Variants in DLG1 observed in about 807,000 individuals in gnomAD.
DLG1 encodes the protein disks large homolog 1.
In DLG1, 42 loss-of-function variants were observed where a neutral mutation model predicts 123.4. The ratio of observed to expected loss-of-function variants is 0.34; its 90% CI spans 0.27 to 0.44. DLG1 has a LOEUF of 0.44. Among genes scored for constraint, DLG1 ranks in the 20% least tolerant of loss-of-function variants. The pLI, the probability that DLG1 is intolerant of heterozygous loss-of-function variation, is 1.00. For synonymous variants in DLG1, 317 were observed against 356.2 expected (o/e 0.89, Z 1.24); for missense variants, 942 against 1,082.6 (o/e 0.87, Z 1.82).
intron 3 of DLG1, among the ~76,000 whole-genome samples, chr3:197,292,128 A>G (rs1041492940): frequency 1.3e-5 from 2 of 152,208 alleles, no homozygotes; most frequent in Admixed American, 1.3e-4. Flanking sequence ...TAAATATCCA[A>G]AAGAACTGAA....
intron 22 of DLG1, among the ~76,000 whole-genome samples, chr3:197,064,878 C>T (rs1738512801): frequency 6.6e-6 from 1 of 151,762 alleles, no homozygotes; most frequent in Admixed American, 6.6e-5. Context: ...ATGCTCATAG[C>T]TCACTGCAGC....
intron 4 of DLG1, among the ~76,000 whole-genome samples, chr3:197,270,218 G>T (rs1763354172): frequency 6.6e-6 from 1 of 152,184 alleles, no homozygotes; most frequent in Non-Finnish European, 1.5e-5. Context: ...TCAAAGACTA[G>T]TAAAGCATAT....
chr3:197,044,724 C>G lies in DLG1; in HGVS notation c.2581G>C (p.Val861Leu). The change falls in exon 25 of 25, where the codon GTA (valine) becomes CTA (leucine). Residue 861 changes from valine (V) to leucine (L), a missense_variant. Transcript: ENST00000667157. ...ATGTCTTCCAGCGTATCCCCCTGTA[C>G]AATAGCTGTAATGATAGAAACAAAA... ...QEFTEHFTAI[V>L]QGDTLEDIYN... The G allele has an allele frequency of 6.4e-7, 1 of 1,557,350 alleles. No individual in the cohort carries two copies. Among genetic ancestry groups the G allele is most frequent in the Non-Finnish European group, 8.7e-7 (1 of 1,146,346 alleles).
At chr3:197,182,609 G>T (rs1712963126) in intron 5 of DLG1, among the ~76,000 whole-genome samples, 1 of 152,054 alleles carries the variant, frequency 6.6e-6, no homozygotes, top group African/African-American at 2.4e-5. Context: ...AGCTTTAAGG[G>T]AATTTATTTT....
intron 3 of DLG1, among the ~76,000 whole-genome samples, chr3:197,283,995 G>C (rs1258324819): frequency 6.6e-6 from 1 of 151,624 alleles, no homozygotes; most frequent in African/African-American, 2.4e-5. Flanking sequence ...CGAGTAGCTG[G>C]GACTTCAGGC....
At chr3:197,280,847 C>T (rs1179507634) in intron 4 of DLG1, among the ~76,000 whole-genome samples, 1 of 152,164 alleles carries the variant, frequency 6.6e-6, no homozygotes, top group Non-Finnish European at 1.5e-5. Context: ...TGTGTTGCTA[C>T]AGCTGCATAC....
intron 5 of DLG1, among the ~76,000 whole-genome samples, chr3:197,150,820 T>G (rs149115685): frequency 6.6e-6 from 1 of 152,072 alleles, no homozygotes; most frequent in East Asian, 1.9e-4. Flanking sequence ...CTAAATGATA[T>G]GACAAAATGC....
At chr3:197,048,116 C>G (rs1724666171) in intron 24 of DLG1, among the ~76,000 whole-genome samples, 2 of 152,184 alleles carry the variant, frequency 1.3e-5, no homozygotes, top group African/African-American at 4.8e-5. Context: ...AGAAGACATA[C>G]AGATGGCCAG....
At chr3:197,244,124 C>G (rs189166776) in intron 4 of DLG1, among the ~76,000 whole-genome samples, 14 of 152,280 alleles carry the variant, frequency 9.2e-5, no homozygotes, top group Admixed American at 7.2e-4. Context: ...TTTAGGTCTC[C>G]AAGAAATGCC....
chr3:197,110,368 T>C (rs534103063), intron 13 of DLG1, among the ~76,000 whole-genome samples: 4 of 152,218 alleles, frequency 2.6e-5, no homozygotes, highest in Non-Finnish European at 5.9e-5. Flanking sequence ...TAACTCTTTA[T>C]TGATATTTTT....
intron 14 of DLG1, among the ~76,000 whole-genome samples, chr3:197,095,561 T>C (rs1760172195): frequency 6.6e-6 from 1 of 152,226 alleles, no homozygotes; most frequent in Non-Finnish European, 1.5e-5. Context: ...ACAAATGTTA[T>C]GTTCTACCCA....
At chr3:197,090,458 T>C (rs1016301582) in intron 15 of DLG1, among the ~76,000 whole-genome samples, 1 of 152,266 alleles carries the variant, frequency 6.6e-6, no homozygotes, top group Admixed American at 6.5e-5. Flanking sequence ...TTTCCAAATA[T>C]GCATTATTTA....
At chr3:197,082,147 G>A (rs1426669570) in intron 16 of DLG1, among the ~76,000 whole-genome samples, 3 of 152,146 alleles carry the variant, frequency 2.0e-5, no homozygotes, top group Non-Finnish European at 4.4e-5. Context: ...CGAGGCGGGT[G>A]GATCACAAGG....
intron 24 of DLG1, among the ~76,000 whole-genome samples, chr3:197,046,886 C>CA (rs1229011895): frequency 1.2e-4 from 16 of 128,802 alleles, no homozygotes; most frequent in Non-Finnish European, 2.3e-4. Context: ...AAACAAAAGA[C>CA]AAAAAACAAA....
intron 5 of DLG1, among the ~76,000 whole-genome samples, chr3:197,176,593 T>TA (rs545778579): frequency 1.3e-3 from 199 of 152,326 alleles, no homozygotes; most frequent in African/African-American, 4.6e-3. Flanking sequence ...TTTCACCTGG[T>TA]AATATTCATT....
chr3:197,050,986 T>C lies in DLG1; in HGVS notation c.2575+591A>G, dbSNP rs569011006. ...GGATAAGAGAAAAATCAGAGTTTCA[T>C]AGAAGAAATGAAATCTAAATCTATT... is the stretch of plus-strand genomic sequence containing the variant. On this transcript the variant is annotated intron_variant, in intron 24 of 24. Coordinates refer to ENST00000667157, the MANE Select transcript of DLG1 (RefSeq NM_001366207.1). 1.2e-4 allele frequency among the ~76,000 whole-genome samples: 18 copies of C among 152,354 alleles called. No homozygotes were observed. In the South Asian group the frequency reaches 1.2e-3, roughly 11 times the overall value.
At chr3:197,149,917 TTA>T in intron 5 of DLG1, 121 bp from the exon 6 acceptor site, 1 of 650,122 alleles carries the variant, frequency 1.5e-6, no homozygotes, top group Non-Finnish European at 2.8e-6. Context: ...TATGAGCTTT[TTA>T]TATGTTAAAT....
At chr3:197,247,123 T>A (rs1263499073) in intron 4 of DLG1, among the ~76,000 whole-genome samples, 1 of 152,224 alleles carries the variant, frequency 6.6e-6, no homozygotes, top group African/African-American at 2.4e-5. Context: ...ACAAAGCCGA[T>A]GCTTCCTTCT....
chr3:197,287,364 T>A lies in DLG1; in HGVS notation c.152-4519A>T, dbSNP rs150633546. Among the ~76,000 whole-genome samples, 396 of 152,328 alleles carry A rather than the reference T, an allele frequency of 2.6e-3. 2 individuals are homozygous for A. Among genetic ancestry groups the A allele is most frequent in the Non-Finnish European group, 4.6e-3 (313 of 68,026 alleles). On this transcript the variant is annotated intron_variant, in intron 3 of 24. Coordinates refer to ENST00000667157, the MANE Select transcript of DLG1 (RefSeq NM_001366207.1). ...TTTCAAATGCATTAAAATGTTAAAG[T>A]CTTGAAAGAATTTGAATACAGGTTT...
Sources: gnomAD v4.1 joint callset for allele counts (sites outside exome capture counted in the v4.1 genomes callset) on GRCh38, gnomAD v4.1.1 for gene constraint, MANE v1.5 for transcripts, NCBI Gene and HGNC (gene_info 2026-07-23, HGNC 2026-07-21) for gene names.